Variants in MYH7 observed in about 807,000 individuals in gnomAD.
MYH7 encodes the protein myosin heavy chain 7, also known as myosin-7.
In MYH7, 129 loss-of-function variants were observed where a neutral mutation model predicts 225.4. The observed-to-expected ratio is 0.57, with a 90% confidence interval of 0.50 to 0.66. The LOEUF is 0.66. MYH7 is among the 30% of genes least tolerant of loss of function. MYH7 has a pLI of 0.00. For missense variants in MYH7, 1,649 were observed against 2,517.0 expected (o/e 0.66, Z 7.38); for synonymous variants, 971 against 1,007.6 (o/e 0.96, Z 0.69).
Position 23,416,021 on chromosome 14 carries a change from G to A in MYH7, c.4936C>T (p.Leu1646Phe). The change falls in exon 34 of 40, where the codon CTC becomes TTC. Residue 1646 changes from leucine (L) to phenylalanine (F), a missense_variant. Leu to Phe is a conservative substitution (Grantham distance 22, BLOSUM62 0). Coordinates refer to ENST00000355349, the MANE Select transcript of MYH7 (RefSeq NM_000257.4). ...AAEAQKQVKS[L>F]QSLLKDTQIQ... is the part of the protein sequence containing the mutation. ...GTGAGTACCTTCAACAAGCTCTGGAGGCTCTTGACTTGCTTCTGGGCCTCG... is the reference window on the plus strand; with the variant it reads ...GTGAGTACCTTCAACAAGCTCTGGAAGCTCTTGACTTGCTTCTGGGCCTCG... The A allele has an allele frequency of 1.2e-6, 2 of 1,614,204 alleles. No individual in the cohort carries two copies. Among genetic ancestry groups the A allele is most frequent in the Non-Finnish European group, 1.7e-6 (2 of 1,180,042 alleles).
intron 26 of MYH7, among the ~76,000 whole-genome samples, chr14:23,420,552 A>G (rs1480471115): frequency 6.6e-6 from 1 of 152,226 alleles, no homozygotes; most frequent in African/African-American, 2.4e-5. Flanking sequence ...AGAGAGCCGT[A>G]TTTGTCTGAC....
At position 23,424,013 on chromosome 14, in the gene MYH7, T is replaced by C; in HGVS notation, c.2816A>G (p.Lys939Arg). The C allele has an allele frequency of 6.2e-7, 1 of 1,614,248 alleles. No homozygotes were observed. Among genetic ancestry groups the C allele is most frequent in the Non-Finnish European group, 8.5e-7 (1 of 1,180,048 alleles). Residue 939 changes from lysine to arginine, a missense_variant, in exon 23 of 40, where the codon AAG (lysine) becomes AGG (arginine). Coordinates refer to ENST00000355349, the MANE Select transcript of MYH7 (RefSeq NM_000257.4). ...EEEMNAELTA[K>R]KRKLEDECSE... ...GCACTCATCTTCCAGCTTGCGCTTC[T>C]TGGCAGTGAGCTCAGCATTCATCTC...
chr14:23,420,306 T>C lies in MYH7; in HGVS notation c.3337-72A>G, dbSNP rs1439439851. 1.9e-6 allele frequency: 3 copies of C among 1,562,416 alleles called. No individual in the cohort carries two copies. In the Admixed American group the frequency reaches 5.7e-5, roughly 29 times the overall value. ...TGGAATCCCCCCGGCTCTAAAAGGC[T>C]CTCGGCTTCTCTGGAACAGCAAGTC... On this transcript the variant is annotated intron_variant, in intron 26 of 39. Coordinates refer to ENST00000355349, the MANE Select transcript of MYH7 (RefSeq NM_000257.4).
intron 24 of MYH7, 103 bp downstream of exon 24, chr14:23,423,443 AC>A (rs1892562388): frequency 1.7e-5 from 12 of 704,050 alleles, no homozygotes; most frequent in South Asian, 4.1e-5. Context: ...ACAAACACAC[AC>A]ACACACACAC....
Position 23,426,767 on chromosome 14 carries a change from G to A in MYH7, c.2044+10C>T, listed in dbSNP as rs367957516. ...CCCAGCAGTGGGTTGGCCTGAGTTTGTGGCCTCACCTGGAGACTTTGTCTC... is the reference window on the plus strand; with the variant it reads ...CCCAGCAGTGGGTTGGCCTGAGTTTATGGCCTCACCTGGAGACTTTGTCTC... On this transcript the variant is annotated intron_variant, in intron 18 of 39. Transcript: ENST00000355349. The A allele has an allele frequency of 2.4e-5, 39 of 1,613,434 alleles. No individual in the cohort carries two copies. The highest frequency in any genetic ancestry group is 3.3e-5 in the Non-Finnish European group (39 of 1,179,464).
chr14:23,426,635 C>T (rs1445070582), intron 18 of MYH7, 142 bp downstream of exon 18: 1 of 762,178 alleles, frequency 1.3e-6, no homozygotes, highest in Non-Finnish European at 2.3e-6. Context: ...AGGGAGGTAC[C>T]CTGGGAGGCC....
chr14:23,430,691 G>T, intron 10 of MYH7, 28 bp from the exon 11 acceptor site: 1 of 1,583,034 alleles, frequency 6.3e-7, no homozygotes, highest in Non-Finnish European at 8.7e-7. Flanking sequence ...GTTAGGGTGG[G>T]ACACAAGCCC....
chr14:23,423,872 A>G (rs764435185), intron 23 of MYH7, 35 bp downstream of exon 23: 3 of 1,613,716 alleles, frequency 1.9e-6, no homozygotes, highest in Non-Finnish European at 2.5e-6. Context: ...AGTCCTGATG[A>G]GACCCGGGCT....
intron 30 of MYH7, 116 bp downstream of exon 30, chr14:23,418,094 C>A (rs368437665): frequency 6.7e-7 from 1 of 1,484,634 alleles, no homozygotes; most frequent in Non-Finnish European, 9.4e-7. Context: ...CAGAGTCCTC[C>A]TGTGTTGTCA....
chr14:23,422,459 T>C, intron 24 of MYH7, 134 bp from the exon 25 acceptor site: 1 of 1,150,028 alleles, frequency 8.7e-7, no homozygotes, highest in South Asian at 1.3e-5. Context: ...GGGCCAAATG[T>C]TATTAGGGGA....
In MYH7 at chr14:23,428,913, G is replaced by C. The variant is rs45592847; in HGVS notation, c.1407+42C>G. ...GCAAATAGCTGTTGAATGTGGGAGC[G>C]AGTGAGTGATTGTTCTCCCACTCCC... On this transcript the variant is annotated intron_variant, in intron 14 of 39. Transcript: ENST00000355349. 880 of 1,613,886 alleles carry C rather than the reference G, an allele frequency of 5.5e-4. 3 individuals are homozygous for C. The highest frequency in any genetic ancestry group is 3.5e-3 in the South Asian group (315 of 91,036).
In MYH7 at chr14:23,415,374, G is replaced by A. The variant is rs772148835; in HGVS notation, c.5283+7C>T. The A allele has an allele frequency of 6.8e-6, 11 of 1,614,060 alleles. No homozygotes were observed. Among genetic ancestry groups the A allele is most frequent in the South Asian group, 6.6e-5 (6 of 91,082 alleles). ...TCTGGATCGGGTCGGTGGAGTGGGG[G>A]ACTTACATCCGTGATGGCCTTCTTG... is the stretch of plus-strand genomic sequence containing the variant. On this transcript the variant is annotated splice_region_variant and intron_variant, in intron 36 of 39. Transcript: ENST00000355349. This position sits in a 1 kb window ranked among gnomAD's most constrained non-coding sequence, Gnocchi z 6.3.
rs730880760 is a variant in MYH7, at chr14:23,424,037, T to C, written c.2792A>G (p.Glu931Gly). 6.2e-7 allele frequency: 1 copy of C among 1,614,242 alleles called. No individual in the cohort carries two copies. Among genetic ancestry groups the C allele is most frequent in the Non-Finnish European group, 8.5e-7 (1 of 1,180,048 alleles). Residue 931 changes from glutamate (E) to glycine (G), a missense_variant, in exon 23 of 40, where the codon GAG (glutamate) becomes GGG (glycine). By Grantham distance (98) the Glu-to-Gly change is moderately conservative. Around this residue, in one of 12 missense-constraint regions of MYH7, gnomAD observed 282 missense variants for 315.3 expected, o/e 0.89. Transcript: ENST00000355349. ...EMNERLEDEE[E>G]MNAELTAKKR... The stretch of plus-strand genomic sequence containing the variant: ...CTTGGCAGTGAGCTCAGCATTCATC[T>C]CCTCCTCATCCTCCAGCCTCTCGTT...
chr14:23,430,116 A>AGCAGG (rs1301566401), intron 11 of MYH7, among the ~76,000 whole-genome samples: 6 of 152,172 alleles, frequency 3.9e-5, no homozygotes, highest in African/African-American at 1.4e-4. Flanking sequence ...AGCAGAGCAG[A>AGCAGG]CGTCAGTTGG....
chr14:23,415,514 G>C lies in MYH7; in HGVS notation c.5158-8C>G. On this transcript the variant is annotated splice_polypyrimidine_tract_variant and splice_region_variant and intron_variant, in intron 35 of 39. Coordinates refer to ENST00000355349, the MANE Select transcript of MYH7 (RefSeq NM_000257.4). The surrounding 1 kb of genome is among the most constrained non-coding windows in gnomAD (Gnocchi z 6.3). The stretch of plus-strand genomic sequence containing the variant: ...GTTGATGAGGCTGGTGTTCTGGGTT[G>C]GGGGAGGGTTGGGCAGAGCAGGAAA... 6.2e-7 allele frequency: 1 copy of C among 1,614,192 alleles called. No homozygotes were observed. Among genetic ancestry groups the C allele is most frequent in the Non-Finnish European group, 8.5e-7 (1 of 1,180,030 alleles).
rs199750832 is a variant in MYH7 at position 23,425,908 on chromosome 14, A to G, written c.2162+56T>C. 4.3e-6 allele frequency: 7 copies of G among 1,612,794 alleles called. No individual in the cohort carries two copies. The highest frequency in any genetic ancestry group is 5.1e-6 in the Non-Finnish European group (6 of 1,180,040). On this transcript the variant is annotated intron_variant, in intron 19 of 39. Coordinates refer to ENST00000355349, the MANE Select transcript of MYH7 (RefSeq NM_000257.4). This position sits in a 1 kb window ranked among gnomAD's most constrained non-coding sequence, Gnocchi z 4.6. ...AGGGTCACCTGCAGATCCCATTCCCATCAGGGCAGCCTGGCTCCCCCTGTT... is the reference window on the plus strand; with the variant it reads ...AGGGTCACCTGCAGATCCCATTCCCGTCAGGGCAGCCTGGCTCCCCCTGTT...
In MYH7 at chr14:23,422,558, A is replaced by ATTCTTTCTTTCTTTCCCTTTCT. The variant is rs1555337325; in HGVS notation, c.3100-255_3100-234dup. Among the ~76,000 whole-genome samples, 17 of 148,172 alleles carry ATTCTTTCTTTCTTTCCCTTTCT rather than the reference A, an allele frequency of 1.1e-4. 1 individual carries two copies. Among genetic ancestry groups the ATTCTTTCTTTCTTTCCCTTTCT allele is most frequent in the African/African-American group, 3.8e-4 (15 of 39,436 alleles). On this transcript the variant is annotated intron_variant, in intron 24 of 39. Coordinates refer to ENST00000355349, the MANE Select transcript of MYH7 (RefSeq NM_000257.4). ...CTGTGGGATGAAACCCCAAAGCCGT[A>ATTCTTTCTTTCTTTCCCTTTCT]TTCTTTCTTTCTTTCCCTTTCTTTC...
rs779715863 is a variant in MYH7 at position 23,416,236 on chromosome 14, C to T, written c.4721G>A (p.Arg1574Gln). The change falls in exon 34 of 40, where the codon CGG (arginine) becomes CAG (glutamine). Residue 1574 changes from arginine to glutamine, a missense_variant. Coordinates refer to ENST00000355349, the MANE Select transcript of MYH7 (RefSeq NM_000257.4). The stretch of plus-strand genomic sequence containing the variant: ...CTCCTCGTCCTTCTCTGCCAGCTTC[C>T]GCTCGATCTCTGCCTTGATCTGGTT... ...EFNQIKAEIE[R>Q]KLAEKDEEME... 37 of 1,613,874 alleles carry T rather than the reference C, an allele frequency of 2.3e-5. No individual in the cohort carries two copies. Among genetic ancestry groups the T allele is most frequent in the East Asian group, 1.6e-4 (7 of 44,866 alleles).
At chr14:23,422,347 G>T (rs112570811) in intron 24 of MYH7, 22 bp from the exon 25 acceptor site, 21 of 1,614,094 alleles carry the variant, frequency 1.3e-5, no homozygotes, top group African/African-American at 9.3e-5. Flanking sequence ...AAGGAGCCAG[G>T]CCCAGTGAGG....
Sources: gnomAD v4.1 joint callset for allele counts (sites outside exome capture counted in the v4.1 genomes callset) on GRCh38, gnomAD v4.1.1 for gene constraint, gnomAD v4.1.1 regional missense constraint, Gnocchi (gnomAD v3.1) non-coding constraint, MANE v1.5 for transcripts, NCBI Gene and HGNC (gene_info 2026-07-23, HGNC 2026-07-21) for gene names.